The following ZNF462 variants were observed in gnomAD, a reference collection of about 807,000 sequenced individuals.
ZNF462 encodes zinc finger PBX1-interacting protein.
A neutral mutation model predicts 201.9 loss-of-function variants in ZNF462; 10 were observed. The observed-to-expected ratio is 0.05, with a 90% CI of 0.03 to 0.08. The LOEUF is 0.08. Ranked by LOEUF, ZNF462 falls within the 10% of genes least tolerant of loss-of-function variation. The probability of loss-of-function intolerance (pLI) is 1.00; values close to 1 mark genes in which losing one functional copy is unlikely to be tolerated. For missense variants in ZNF462, 2,523 were observed against 3,168.3 expected, an observed-to-expected ratio of 0.80 and a Z score of 4.89; for synonymous variants, 1,227 against 1,193.3, an observed-to-expected ratio of 1.03 and a Z score of -0.58.
intron 10 of ZNF462, among the ~76,000 whole-genome samples, chr9:106,992,713 G>C (rs543803176): frequency 9.4e-4 from 143 of 152,202 alleles, no homozygotes; most frequent in Non-Finnish European, 1.7e-3. Flanking sequence ...GGTTACTTGG[G>C]CCTGGAAGAT....
chr9:106,915,155 T>A (rs975615385), intron 1 of ZNF462, among the ~76,000 whole-genome samples: 1 of 151,506 alleles, frequency 6.6e-6, no homozygotes, highest in Non-Finnish European at 1.5e-5. Context: ...TTGGTTTTAG[T>A]GATCTGAGAA....
At chr9:106,953,907 G>T (rs919175043) in intron 7 of ZNF462, among the ~76,000 whole-genome samples, 1 of 152,030 alleles carries the variant, frequency 6.6e-6, no homozygotes, top group Non-Finnish European at 1.5e-5. Flanking sequence ...TTGGACCCAC[G>T]TTCCATCAAC....
intron 1 of ZNF462, among the ~76,000 whole-genome samples, chr9:106,915,620 G>T (rs537259859): frequency 1.4e-3 from 217 of 152,266 alleles, no homozygotes; most frequent in Middle Eastern, 3.4e-3. Flanking sequence ...ATCTGAATGG[G>T]CCAGTTGGTT....
chr9:106,969,228 G>A (rs576031722), intron 7 of ZNF462, among the ~76,000 whole-genome samples: 3 of 151,880 alleles, frequency 2.0e-5, no homozygotes, highest in African/African-American at 7.3e-5. Flanking sequence ...TTTTAACCAG[G>A]AGGAAAAAAA....
chr9:107,002,241 A>G (rs751157448), intron 10 of ZNF462, among the ~76,000 whole-genome samples: 7 of 152,168 alleles, frequency 4.6e-5, no homozygotes, highest in Non-Finnish European at 1.0e-4. Context: ...AATCTAATTA[A>G]TGATGTCTGT....
At chr9:106,941,390 G>A (rs1314679534) in intron 7 of ZNF462, among the ~76,000 whole-genome samples, 1 of 152,188 alleles carries the variant, frequency 6.6e-6, no homozygotes, top group East Asian at 1.9e-4. Context: ...CTTGGAGGAT[G>A]GACTGTGGGG....
At chr9:106,945,744 A>G (rs373564910) in intron 7 of ZNF462, among the ~76,000 whole-genome samples, 278 of 152,226 alleles carry the variant, frequency 1.8e-3, no homozygotes, top group African/African-American at 6.2e-3. Context: ...AACACTTACT[A>G]TGTTTCTATA....
At chr9:106,937,789 T>G (rs1830693594) in intron 6 of ZNF462, among the ~76,000 whole-genome samples, 1 of 152,200 alleles carries the variant, frequency 6.6e-6, no homozygotes. Flanking sequence ...AAATAAATCA[T>G]CAATAGGATA....
At position 106,995,864 on chromosome 9, in the gene ZNF462, G is replaced by A. The variant is rs149214819; in HGVS notation, c.7057-7430G>A. 5.1e-4 allele frequency among the ~76,000 whole-genome samples: 77 copies of A among 152,156 alleles called. No homozygotes were observed. The South Asian group carries it at 0.015, about 30-fold the overall frequency. On this transcript the variant is annotated intron_variant, in intron 10 of 12. Transcript: ENST00000277225. ...AAGTTCTAGGGTACATGTGCACAAC[G>A]TGCAGGTTTGTCACATAGGTATGCA...
At position 106,903,909 on chromosome 9, in the gene ZNF462, A is replaced by G. The variant is rs188446397; in HGVS notation, c.-30-19445A>G. The stretch of plus-strand genomic sequence containing the variant: ...ATCTTTTAAGTGGAGCATTTAGGCC[A>G]TTTACATTCAATATCAGTATTGAAA... On this transcript the variant is annotated intron_variant, in intron 1 of 12. Transcript: ENST00000277225. Among the ~76,000 whole-genome samples, 313 of 152,326 alleles carry G rather than the reference A, an allele frequency of 2.1e-3. 3 individuals carry two copies. Among genetic ancestry groups the G allele is most frequent in the African/African-American group, 7.3e-3 (302 of 41,570 alleles).
intron 1 of ZNF462, among the ~76,000 whole-genome samples, chr9:106,882,636 C>G (rs1277858248): frequency 6.6e-6 from 1 of 152,090 alleles, no homozygotes; most frequent in African/African-American, 2.4e-5. Flanking sequence ...TAGTATGATC[C>G]TGAATGATCT....
rs964039293 is a variant in ZNF462, at chr9:107,006,779, G to A, written c.7190-2766G>A. ...CAGTCAGCAGGAAATGACAGCCAAGGTACACTACCCTTTCAAAAACCCTGT... is the reference window on the plus strand; with the variant it reads ...CAGTCAGCAGGAAATGACAGCCAAGATACACTACCCTTTCAAAAACCCTGT... On this transcript the variant is annotated intron_variant, in intron 11 of 12. Transcript: ENST00000277225. The surrounding 1 kb of genome is among the most constrained non-coding windows in gnomAD (Gnocchi z 4.3). Among the ~76,000 whole-genome samples the A allele has an allele frequency of 2.0e-5, 3 of 151,992 alleles. No individual in the cohort carries two copies. The highest frequency in any genetic ancestry group is 2.9e-5 in the Non-Finnish European group (2 of 67,998).
intron 9 of ZNF462, chr9:106,979,520 G>A (rs67360244): frequency 0.17 from 26,050 of 151,336 alleles, 3,181 homozygotes; most frequent in African/African-American, 0.3. Context: ...AGCCAAGGCC[G>A]TCTTCTTCCC....
chr9:106,918,463 T>A (rs1489075661), intron 1 of ZNF462, among the ~76,000 whole-genome samples: 3 of 152,206 alleles, frequency 2.0e-5, no homozygotes, highest in Admixed American at 1.3e-4. Context: ...ACCTCAACTT[T>A]TCAGGTCATT....
Position 107,003,489 on chromosome 9 carries a change from G to T in ZNF462, c.7189+63G>T. The T allele has an allele frequency of 6.3e-7, 1 of 1,584,670 alleles. No homozygotes were observed. ...CTGGCATGTCCGTAGTGAGACAGAA[G>T]GGAGGCAGGAGGTTGTTGTAGGAGT... On this transcript the variant is annotated intron_variant, in intron 11 of 12. Coordinates refer to ENST00000277225, the MANE Select transcript of ZNF462 (RefSeq NM_021224.6). The surrounding 1 kb of genome is among the most constrained non-coding windows in gnomAD (Gnocchi z 4.4).
At chr9:106,879,334 C>T (rs112976628) in intron 1 of ZNF462, among the ~76,000 whole-genome samples, 5 of 79,620 alleles carry the variant, frequency 6.3e-5, no homozygotes, top group Admixed American at 4.6e-4. Flanking sequence ...TGCTTTCCAC[C>T]CCCCCCCCCA....
intron 1 of ZNF462, among the ~76,000 whole-genome samples, chr9:106,903,996 T>A (rs1829164696): frequency 6.6e-6 from 1 of 152,230 alleles, no homozygotes; most frequent in African/African-American, 2.4e-5. Context: ...TTTTTGTTTT[T>A]GTTTTTTAAC....
chr9:106,871,958 C>T (rs1211438668), intron 1 of ZNF462, among the ~76,000 whole-genome samples: 6 of 152,158 alleles, frequency 3.9e-5, no homozygotes, highest in Non-Finnish European at 7.3e-5. Context: ...TACTACCTGG[C>T]GTCAGTTTGG....
intron 8 of ZNF462, among the ~76,000 whole-genome samples, chr9:106,973,175 A>G (rs1195513540): frequency 6.6e-6 from 1 of 152,174 alleles, no homozygotes; most frequent in Non-Finnish European, 1.5e-5. Flanking sequence ...AAGCTATTAT[A>G]ATAATATGAC....
Sources: allele counts gnomAD v4.1 joint callset (sites outside exome capture counted in the v4.1 genomes callset), GRCh38; gene constraint gnomAD v4.1.1; non-coding constraint Gnocchi (gnomAD v3.1); transcripts MANE v1.5; gene names NCBI Gene and HGNC (gene_info 2026-07-23, HGNC 2026-07-21).